Variants in UGT1A9 observed in about 807,000 individuals in gnomAD.
The protein encoded by UGT1A9 is UDP glucuronosyltransferase family 1 member A9, also known as UDP-glucuronosyltransferase 1A9.
UGT1A9 carries 35 observed loss-of-function variants against 45.0 expected under a neutral mutation model. The observed-to-expected ratio is 0.78, with a 90% CI of 0.59 to 1.03. The LOEUF is 1.03. Ranked by LOEUF, UGT1A9 falls within the 50% of genes least tolerant of loss-of-function variation. The probability of loss-of-function intolerance (pLI) is 0.00; values close to 1 mark genes in which losing one functional copy is unlikely to be tolerated. For synonymous variants in UGT1A9, 278 were observed against 250.6 expected, an observed-to-expected ratio of 1.11 and a Z score of -1.03; for missense variants, 687 against 666.6, an observed-to-expected ratio of 1.03 and a Z score of -0.34.
rs569317540 is a variant in UGT1A9 at position 233,719,363 on chromosome 2, C to G, written c.855+46574C>G. 2.5e-6 allele frequency: 4 copies of G among 1,613,942 alleles called. No individual in the cohort carries two copies. The African/African-American group carries it at 4.0e-5, about 16-fold the overall frequency. On this transcript the variant is annotated intron_variant, in intron 1 of 4. Transcript: ENST00000354728. ...GGAGGTACATTCCATGTGACTTAGA[C>G]TTTAAGGGCACACAGTGTCCAAATC...
intron 1 of UGT1A9, among the ~76,000 whole-genome samples, chr2:233,717,290 C>T (rs3806592): frequency 0.42 from 63,446 of 151,946 alleles, 14,273 homozygotes; most frequent in African/African-American, 0.59. Flanking sequence ...ATGTTGCACC[C>T]ACAGCTGAGA....
chr2:233,706,171 T>C (rs2125603057), intron 1 of UGT1A9, among the ~76,000 whole-genome samples: 1 of 152,154 alleles, frequency 6.6e-6, no homozygotes, highest in Non-Finnish European at 1.5e-5. Context: ...ATGTGGAATG[T>C]GGTGTGTCTG....
chr2:233,741,753 A>G (rs1361803894), intron 1 of UGT1A9: 2 of 151,870 alleles, frequency 1.3e-5, no homozygotes, highest in African/African-American at 4.9e-5. Context: ...TTTGTTGGTT[A>G]ATGATGTGTT....
intron 1 of UGT1A9, among the ~76,000 whole-genome samples, chr2:233,749,315 G>T (rs2125898237): frequency 6.6e-6 from 1 of 151,862 alleles, no homozygotes; most frequent in Middle Eastern, 3.4e-3. Flanking sequence ...GTGTTTATTA[G>T]ATTTGTAACA....
At chr2:233,673,243 C>T (rs373248722) in intron 1 of UGT1A9, among the ~76,000 whole-genome samples, 25 of 152,174 alleles carry the variant, frequency 1.6e-4, no homozygotes, top group African/African-American at 6.0e-4. Flanking sequence ...TGGACATATT[C>T]TTCTTTTCTT....
chr2:233,690,220 G>T (rs939015605), intron 1 of UGT1A9, among the ~76,000 whole-genome samples: 5 of 152,112 alleles, frequency 3.3e-5, no homozygotes, highest in African/African-American at 1.2e-4. Flanking sequence ...TGCCATTTTA[G>T]TATTCTAGAT....
chr2:233,674,105 G>A (rs2074273662), intron 1 of UGT1A9, among the ~76,000 whole-genome samples: 1 of 152,152 alleles, frequency 6.6e-6, no homozygotes, highest in South Asian at 2.1e-4. Context: ...GAGGGATGGA[G>A]TATACAATTT....
At chr2:233,682,444 C>T (rs770529421) in intron 1 of UGT1A9, 4 of 1,613,736 alleles carry the variant, frequency 2.5e-6, no homozygotes, top group Non-Finnish European at 3.4e-6. Flanking sequence ...TGGTCTTCGC[C>T]AGGGGAATAT....
intron 1 of UGT1A9, among the ~76,000 whole-genome samples, chr2:233,728,801 G>A (rs1420338275): frequency 4.1e-4 from 62 of 152,222 alleles, no homozygotes; most frequent in Admixed American, 4.1e-3. Context: ...CAGAGAAGTA[G>A]GAGACAGTGA....
intron 1 of UGT1A9, chr2:233,718,669 AT>A (rs2076674344): frequency 6.5e-7 from 1 of 1,549,232 alleles, no homozygotes; most frequent in East Asian, 2.4e-5. Context: ...TTATAGATTA[AT>A]GGGTAATAAG....
At chr2:233,762,713 C>T (rs1377918494) in intron 1 of UGT1A9, among the ~76,000 whole-genome samples, 1 of 150,748 alleles carries the variant, frequency 6.6e-6, no homozygotes, top group South Asian at 2.1e-4. Context: ...AAGTATTTTA[C>T]ACGGTTTTTT....
chr2:233,738,020 A>T (rs1165451282), intron 1 of UGT1A9, among the ~76,000 whole-genome samples: 1 of 152,034 alleles, frequency 6.6e-6, no homozygotes, highest in East Asian at 1.9e-4. Context: ...TTGAATTGTA[A>T]TCCCCATAAT....
chr2:233,672,247 A>T lies in UGT1A9; in HGVS notation c.313A>T (p.Ile105Leu). Residue 105 changes from isoleucine (I) to leucine (L), a missense_variant, in exon 1 of 5, where the codon ATA (isoleucine) becomes TTA (leucine). Ile to Leu is a conservative substitution (Grantham distance 5). Coordinates refer to ENST00000354728, the MANE Select transcript of UGT1A9 (RefSeq NM_021027.3). ...TCAATGGAAAGCACAAGTACGAAGT[A>T]TATATTCTCTATTAATGGGTTCATA... is the stretch of plus-strand genomic sequence containing the variant. Reference protein sequence around the residue: ...HAQWKAQVRSIYSLLMGSYND... With the variant: ...HAQWKAQVRSLYSLLMGSYND... The T allele has an allele frequency of 6.2e-7, 1 of 1,614,208 alleles. No individual in the cohort carries two copies. The highest frequency in any genetic ancestry group is 8.5e-7 in the Non-Finnish European group (1 of 1,180,024).
At chr2:233,748,027 A>C in intron 1 of UGT1A9, 1 of 1,613,516 alleles carries the variant, frequency 6.2e-7, no homozygotes, top group Non-Finnish European at 8.5e-7. Flanking sequence ...ATCATGCCCA[A>C]CATGGTCTTC....
At chr2:233,729,119 C>T in intron 1 of UGT1A9, 2 of 1,613,028 alleles carry the variant, frequency 1.2e-6, no homozygotes, top group East Asian at 2.2e-5. Context: ...TCCGTGTCTT[C>T]TGCTGAGATG....
chr2:233,710,242 G>A (rs2076122123), intron 1 of UGT1A9, among the ~76,000 whole-genome samples: 2 of 152,288 alleles, frequency 1.3e-5, no homozygotes, highest in South Asian at 2.1e-4. Context: ...ATTCGAGTAC[G>A]AGTGTTTCTG....
intron 1 of UGT1A9, among the ~76,000 whole-genome samples, chr2:233,731,282 T>C (rs1433914166): frequency 1.4e-5 from 2 of 144,984 alleles, no homozygotes; most frequent in African/African-American, 2.6e-5. Context: ...CAGTTTTTCT[T>C]TCTTTTTTTT....
intron 1 of UGT1A9, among the ~76,000 whole-genome samples, chr2:233,746,994 GT>G (rs1693533640): frequency 6.6e-6 from 1 of 151,864 alleles, no homozygotes; most frequent in South Asian, 2.1e-4. Flanking sequence ...GGTCAGATGA[GT>G]TTTTCAAGTA....
intron 1 of UGT1A9, chr2:233,719,435 G>A (rs2076765581): frequency 6.2e-7 from 1 of 1,613,916 alleles, no homozygotes; most frequent in East Asian, 2.2e-5. Flanking sequence ...CAGACCACAT[G>A]ACATTCCTGC....
Sources: gnomAD v4.1 joint callset for allele counts (sites outside exome capture counted in the v4.1 genomes callset) on GRCh38, gnomAD v4.1.1 for gene constraint, MANE v1.5 for transcripts, NCBI Gene and HGNC (gene_info 2026-07-23, HGNC 2026-07-21) for gene names.